AXIN2: variants seen among roughly 807,000 people sequenced by gnomAD.
AXIN2 encodes the protein axin-2.
In AXIN2, 21 loss-of-function variants were observed where a neutral mutation model predicts 74.7. The observed-to-expected ratio is 0.28, with a 90% CI of 0.20 to 0.40. AXIN2 has a LOEUF of 0.40. AXIN2 is among the 10% of genes least tolerant of loss of function. The probability of loss-of-function intolerance (pLI) is 1.00; values close to 1 mark genes in which losing one functional copy is unlikely to be tolerated. For missense variants in AXIN2, 1,144 were observed against 1,111.1 expected (o/e 1.03, Z -0.42); for synonymous variants, 532 against 454.9 (o/e 1.17, Z -2.16).
At chr17:65,548,725 G>A (rs891966608) in intron 3 of AXIN2, among the ~76,000 whole-genome samples, 1 of 152,130 alleles carries the variant, frequency 6.6e-6, no homozygotes, top group African/African-American at 2.4e-5. Flanking sequence ...GACTCACTGA[G>A]GATCACTGCT....
At chr17:65,549,375 C>T (rs150097965) in intron 3 of AXIN2, 145 bp downstream of exon 3, 9 of 992,830 alleles carry the variant, frequency 9.1e-6, no homozygotes, top group Non-Finnish European at 1.5e-6. Flanking sequence ...ATACCCTTGT[C>T]ATACTCCCCT....
At chr17:65,550,475 A>G (rs1474881102) in intron 2 of AXIN2, among the ~76,000 whole-genome samples, 2 of 152,164 alleles carry the variant, frequency 1.3e-5, no homozygotes, top group Admixed American at 6.5e-5. Context: ...ACCAGTGTGC[A>G]CATCTCCTGC....
intron 4 of AXIN2, among the ~76,000 whole-genome samples, chr17:65,538,963 C>T (rs2043996478): frequency 6.6e-6 from 1 of 151,998 alleles, no homozygotes; most frequent in Non-Finnish European, 1.5e-5. Context: ...TTCCCTCCTC[C>T]CTCTCTCTTT....
intron 5 of AXIN2, 76 bp from the exon 6 acceptor site, chr17:65,537,911 G>A (rs2043966741): frequency 1.4e-6 from 2 of 1,476,602 alleles, no homozygotes; most frequent in East Asian, 2.5e-5. Context: ...GCAACATTCG[G>A]CTCCCTACGC....
chr17:65,538,438 G>A (rs2144480342), intron 4 of AXIN2, 95 bp from the exon 5 acceptor site: 3 of 1,525,206 alleles, frequency 2.0e-6, no homozygotes, highest in Non-Finnish European at 1.8e-6. Flanking sequence ...GCTGTGCACC[G>A]CAAACCCATG....
In AXIN2 at chr17:65,536,434, G is replaced by C; in HGVS notation, c.2027C>G (p.Ala676Gly). ...CGCAGGGTCCTGGGTGAACAGGTGG[G>C]CACGGGGGGTGGTGCGGGGGTGCCC... ...NSGHPRTTPR[A>G]HLFTQDPAMP... Residue 676 changes from alanine to glycine, a missense_variant, in exon 8 of 11, where the codon GCC becomes GGC. Coordinates refer to ENST00000307078, the MANE Select transcript of AXIN2 (RefSeq NM_004655.4). The C allele has an allele frequency of 6.2e-7, 1 of 1,613,456 alleles. No homozygotes were observed. The highest frequency in any genetic ancestry group is 8.5e-7 in the Non-Finnish European group (1 of 1,179,986).
intron 3 of AXIN2, among the ~76,000 whole-genome samples, chr17:65,543,516 A>G (rs2044072550): frequency 6.6e-6 from 1 of 152,170 alleles, no homozygotes; most frequent in South Asian, 2.1e-4. Context: ...TTGGACCTAT[A>G]ATCAGACTTC....
At chr17:65,558,797 C>T in intron 1 of AXIN2, 61 bp from the exon 2 acceptor site, 1 of 653,860 alleles carries the variant, frequency 1.5e-6, no homozygotes, top group South Asian at 1.8e-5. Context: ...CTAATCAAAA[C>T]CAGATCTACC....
intron 3 of AXIN2, among the ~76,000 whole-genome samples, chr17:65,546,292 TC>T (rs1294728981): frequency 6.6e-6 from 1 of 152,154 alleles, no homozygotes; most frequent in Non-Finnish European, 1.5e-5. Flanking sequence ...CAGCTTTTCA[TC>T]CCCCACACAC....
rs2144450313 is a variant in AXIN2 at position 65,536,975 on chromosome 17, CG to C, written c.1800del (p.Gly601AlafsTer88). Reference protein sequence around the residue: ...LALPAREGGAPGGAGALQLPR... With the variant: ...LALPAREGGAXGGAGALQLPR... ...GGAAGCTGCAGGGCCCCAGCTCCGC[CG>C]GGGGCCCCTCCTTCCCTGGCGGGCA... On this transcript the variant is annotated frameshift_variant, in exon 7 of 11. Transcript: ENST00000307078. LOFTEE classifies it high-confidence loss of function. 6.2e-7 allele frequency: 1 copy of C among 1,612,984 alleles called. No homozygotes were observed.
chr17:65,552,921 G>A (rs527336041), intron 2 of AXIN2, among the ~76,000 whole-genome samples: 5 of 152,152 alleles, frequency 3.3e-5, no homozygotes, highest in East Asian at 3.9e-4. Context: ...CCAGCTACTC[G>A]GGAGGCTGAG....
At chr17:65,542,428 GAT>G in intron 3 of AXIN2, among the ~76,000 whole-genome samples, 1 of 152,310 alleles carries the variant, frequency 6.6e-6, no homozygotes, top group East Asian at 1.9e-4. Context: ...GTATGTTAGT[GAT>G]ATGTACTATG....
intron 1 of AXIN2, among the ~76,000 whole-genome samples, chr17:65,558,946 C>T (rs113044976): frequency 5.5e-4 from 80 of 144,236 alleles, no homozygotes; most frequent in African/African-American, 1.7e-3. Context: ...GCACACTTTT[C>T]GGGGTTGGGG....
chr17:65,529,817 C>T lies in AXIN2; in HGVS notation c.*159G>A. On this transcript the variant is annotated 3_prime_UTR_variant, in exon 11 of 11. Coordinates refer to ENST00000307078, the MANE Select transcript of AXIN2 (RefSeq NM_004655.4). ...TCATGAATCATGAAAATCAACCTCCCCCCGCCCTCCCGAAGGCCCACTGGC... is the reference window on the plus strand; with the variant it reads ...TCATGAATCATGAAAATCAACCTCCTCCCGCCCTCCCGAAGGCCCACTGGC... 8.4e-7 allele frequency: 1 copy of T among 1,183,766 alleles called. No homozygotes were observed. Among genetic ancestry groups the T allele is most frequent in the Non-Finnish European group, 1.2e-6 (1 of 823,990 alleles). The allele number at this position is 1,183,766 out of a possible 1,614,324, so 73.3% of individuals were successfully genotyped here.
At chr17:65,545,007 TG>T (rs1567761091) in intron 3 of AXIN2, among the ~76,000 whole-genome samples, 1 of 152,220 alleles carries the variant, frequency 6.6e-6, no homozygotes, top group Non-Finnish European at 1.5e-5. Flanking sequence ...ATGCATTTCC[TG>T]GTGTCCAAAG....
chr17:65,530,160 A>T (rs1178557548), intron 10 of AXIN2, 58 bp from the exon 11 acceptor site: 20 of 1,607,662 alleles, frequency 1.2e-5, no homozygotes, highest in East Asian at 2.2e-5. Context: ...ATTGTTGAAA[A>T]GAAAAGCATA....
chr17:65,561,033 G>A (rs954968048), intron 1 of AXIN2: 1 of 149,164 alleles, frequency 6.7e-6, no homozygotes, highest in Non-Finnish European at 1.5e-5. Context: ...GCCGGGGAGG[G>A]GGAACGGCGC....
At position 65,539,396 on chromosome 17, in the gene AXIN2, C is replaced by T. The variant is rs144747152; in HGVS notation, c.1060-1053G>A. On this transcript the variant is annotated intron_variant, in intron 4 of 10. Coordinates refer to ENST00000307078, the MANE Select transcript of AXIN2 (RefSeq NM_004655.4). ...GCTCCTGTGTAGGTGGCCATTCTCA[C>T]ACAGGCTGGCTCCTTGCAGCCCCTG... is the stretch of plus-strand genomic sequence containing the variant. 3.9e-5 allele frequency among the ~76,000 whole-genome samples: 6 copies of T among 152,336 alleles called. No homozygotes were observed. In the East Asian group the frequency reaches 9.6e-4, roughly 24 times the overall value.
chr17:65,540,615 G>A (rs556517258), intron 4 of AXIN2, among the ~76,000 whole-genome samples: 1 of 152,266 alleles, frequency 6.6e-6, no homozygotes, highest in Admixed American at 6.5e-5. Flanking sequence ...TGGTGGAAGT[G>A]CACCTAGTGG....
Sources: gnomAD v4.1 joint callset for allele counts (sites outside exome capture counted in the v4.1 genomes callset) on GRCh38, gnomAD v4.1.1 for gene constraint, MANE v1.5 for transcripts, NCBI Gene and HGNC (gene_info 2026-07-23, HGNC 2026-07-21) for gene names.